SETBP1: variants seen among roughly 807,000 people sequenced by gnomAD.
SETBP1 encodes SET-binding protein.
Under a neutral mutation model 101.0 loss-of-function variants are expected in SETBP1, and 9 were observed. The observed-to-expected ratio is 0.09, with a 90% CI of 0.05 to 0.16. The LOEUF is 0.16. SETBP1 is among the 10% of genes least tolerant of loss of function. The pLI, the probability that SETBP1 is intolerant of heterozygous loss-of-function variation, is 1.00. For missense variants in SETBP1, 1,858 were observed against 2,033.8 expected (o/e 0.91, Z 1.66); for synonymous variants, 818 against 788.5 (o/e 1.04, Z -0.63).
chr18:44,819,501 T>TC (rs1341005514), intron 2 of SETBP1, among the ~76,000 whole-genome samples: 1 of 152,226 alleles, frequency 6.6e-6, no homozygotes, highest in African/African-American at 2.4e-5. Flanking sequence ...GGAAGCTTTT[T>TC]CTCTCACTTA....
At chr18:44,818,761 A>G (rs1186280515) in intron 2 of SETBP1, among the ~76,000 whole-genome samples, 1 of 149,914 alleles carries the variant, frequency 6.7e-6, no homozygotes. Flanking sequence ...ACTCACACAC[A>G]CACACACACA....
intron 2 of SETBP1, among the ~76,000 whole-genome samples, chr18:44,856,348 T>G (rs956638887): frequency 6.6e-5 from 10 of 152,222 alleles, no homozygotes; most frequent in Admixed American, 1.3e-4. Flanking sequence ...ATCCCTTCCA[T>G]GCTAAGACTT....
intron 2 of SETBP1, among the ~76,000 whole-genome samples, chr18:44,785,240 T>G (rs1385513951): frequency 6.6e-6 from 1 of 152,144 alleles, no homozygotes; most frequent in Non-Finnish European, 1.5e-5. Context: ...AGATTTTCTC[T>G]CTGACAGAGG....
chr18:44,957,204 G>A (rs1168386033), intron 4 of SETBP1, among the ~76,000 whole-genome samples: 1 of 152,116 alleles, frequency 6.6e-6, no homozygotes, highest in Non-Finnish European at 1.5e-5. Context: ...GGGTGACAAT[G>A]CATAGTCAGA....
intron 4 of SETBP1, among the ~76,000 whole-genome samples, chr18:44,959,685 C>T (rs1179929643): frequency 1.3e-5 from 2 of 152,074 alleles, no homozygotes; most frequent in Non-Finnish European, 2.9e-5. Flanking sequence ...TTGTGAGCCA[C>T]TGCTGTGTTC....
intron 4 of SETBP1, among the ~76,000 whole-genome samples, chr18:45,019,942 G>T (rs1004824212): frequency 6.6e-6 from 1 of 152,082 alleles, no homozygotes; most frequent in African/African-American, 2.4e-5. Flanking sequence ...CTACCATAGA[G>T]ACTTGGGTTC....
rs780304631 is a variant in SETBP1, at chr18:44,950,148, G to A, written c.808G>A (p.Ala270Thr). ...AAAGGCCCAGGGTAAGAAAGGCAGT[G>A]CAGGGAACACGTGGAGTCAGTTGTC... is the stretch of plus-strand genomic sequence containing the variant. ...FAKAQGKKGS[A>T]GNTWSQLSNN... Residue 270 changes from alanine to threonine, a missense_variant, in exon 4 of 6, where the codon GCA (alanine) becomes ACA (threonine). This residue lies in a region of SETBP1 where 581 missense variants were observed against 535.1 expected (regional missense o/e 1.09). Coordinates refer to ENST00000649279, the MANE Select transcript of SETBP1 (RefSeq NM_015559.3). The A allele has an allele frequency of 1.2e-6, 2 of 1,613,894 alleles. No homozygotes were observed. The highest frequency in any genetic ancestry group is 8.5e-7 in the Non-Finnish European group (1 of 1,180,040).
intron 3 of SETBP1, among the ~76,000 whole-genome samples, chr18:44,878,518 G>A (rs2069460494): frequency 6.6e-6 from 1 of 152,130 alleles, no homozygotes; most frequent in Non-Finnish European, 1.5e-5. Flanking sequence ...ATGTTAGTAT[G>A]ATACATGACT....
intron 3 of SETBP1, among the ~76,000 whole-genome samples, chr18:44,941,775 T>C (rs1737185718): frequency 6.6e-6 from 1 of 151,982 alleles, no homozygotes; most frequent in Non-Finnish European, 1.5e-5. Flanking sequence ...TTTTTTTTTG[T>C]TTGAGATATT....
chr18:44,756,858 T>C (rs1259369449), intron 2 of SETBP1, among the ~76,000 whole-genome samples: 1 of 152,102 alleles, frequency 6.6e-6, no homozygotes, highest in Non-Finnish European at 1.5e-5. Flanking sequence ...GTGGGGAGAA[T>C]AAATGGCATG....
At chr18:44,968,411 G>C (rs2071768500) in intron 4 of SETBP1, among the ~76,000 whole-genome samples, 1 of 152,164 alleles carries the variant, frequency 6.6e-6, no homozygotes, top group African/African-American at 2.4e-5. Context: ...TTTGGGAAAG[G>C]GAAGCTGGAT....
At chr18:45,062,766 C>A (rs1236731436) in intron 5 of SETBP1, among the ~76,000 whole-genome samples, 1 of 152,094 alleles carries the variant, frequency 6.6e-6, no homozygotes, top group Admixed American at 6.5e-5. Flanking sequence ...CGGCTCTAGG[C>A]CAGTTTACCT....
intron 4 of SETBP1, among the ~76,000 whole-genome samples, chr18:45,018,771 C>A (rs1333950483): frequency 6.6e-6 from 1 of 152,208 alleles, no homozygotes; most frequent in Non-Finnish European, 1.5e-5. Context: ...CTGATTGATT[C>A]TATGAATTCG....
chr18:45,050,133 A>G (rs530167563), intron 5 of SETBP1, among the ~76,000 whole-genome samples: 5 of 152,376 alleles, frequency 3.3e-5, no homozygotes, highest in East Asian at 1.9e-4. Flanking sequence ...AAATGAGGAA[A>G]TACATGAAAT....
At chr18:44,764,730 C>T (rs2070731216) in intron 2 of SETBP1, among the ~76,000 whole-genome samples, 1 of 152,170 alleles carries the variant, frequency 6.6e-6, no homozygotes, top group Non-Finnish European at 1.5e-5. Context: ...CCTTGGCCTC[C>T]CAAAGTGCTG....
In SETBP1 at chr18:44,952,589, C is replaced by G. The variant is rs1224856655; in HGVS notation, c.3249C>G (p.Ser1083=). 1 of 1,613,786 alleles carries G rather than the reference C, an allele frequency of 6.2e-7. No individual in the cohort carries two copies. The highest frequency in any genetic ancestry group is 8.5e-7 in the Non-Finnish European group (1 of 1,179,728). The change falls in exon 4 of 6, where the codon TCC becomes TCG. Residue 1083 remains serine, a synonymous_variant. Transcript: ENST00000649279. The stretch of plus-strand genomic sequence containing the variant: ...TATCGCACACGCTTGGAGCAGCTTC[C>G]CCATTCATGAGGCCAACAGTGCCAC... ...LYLSHTLGAA[S]PFMRPTVPPP... is the part of the protein sequence containing the mutation.
At chr18:44,874,735 T>C (rs2069357558) in intron 3 of SETBP1, among the ~76,000 whole-genome samples, 1 of 152,204 alleles carries the variant, frequency 6.6e-6, no homozygotes, top group Non-Finnish European at 1.5e-5. Context: ...TTACTCCACT[T>C]TCCTTAGTCC....
rs575448314 is a variant in SETBP1 at position 44,830,751 on chromosome 18, A to C, written c.487-38479A>C. ...AGTGAATACAGGAAAACCACACACA[A>C]GTTTTAAACATTCTGTTGCACGAAG... On this transcript the variant is annotated intron_variant, in intron 2 of 5. Transcript: ENST00000649279. 3.8e-4 allele frequency among the ~76,000 whole-genome samples: 58 copies of C among 152,304 alleles called. 1 individual carries two copies. Among genetic ancestry groups the C allele is most frequent in the African/African-American group, 1.3e-3 (55 of 41,576 alleles).
chr18:44,925,035 T>TTC (rs2070672556), intron 3 of SETBP1, among the ~76,000 whole-genome samples: 2 of 126,618 alleles, frequency 1.6e-5, no homozygotes, highest in African/African-American at 2.8e-5. Context: ...TTTTTTTTTT[T>TTC]CACGAGAATG....
Sources: gnomAD v4.1 joint callset for allele counts (sites outside exome capture counted in the v4.1 genomes callset) on GRCh38, gnomAD v4.1.1 for gene constraint, gnomAD v4.1.1 regional missense constraint, MANE v1.5 for transcripts, NCBI Gene and HGNC (gene_info 2026-07-23, HGNC 2026-07-21) for gene names.